The following SMARCA2 variants were observed in gnomAD, a reference collection of about 807,000 sequenced individuals.
The protein encoded by SMARCA2 is SWI/SNF-related matrix-associated actin-dependent regulator of chromatin subfamily A member 2.
In SMARCA2, 61 loss-of-function variants were observed where a neutral mutation model predicts 199.8. The ratio of observed to expected loss-of-function variants is 0.31; its 90% CI spans 0.25 to 0.38. The LOEUF is 0.38. SMARCA2 is among the 10% of genes least tolerant of loss of function. SMARCA2 has a pLI of 1.00. For synonymous variants in SMARCA2, 935 were observed against 732.0 expected, an observed-to-expected ratio of 1.28 and a Z score of -4.48; for missense variants, 1,344 against 2,012.2, an observed-to-expected ratio of 0.67 and a Z score of 6.35.
intron 4 of SMARCA2, chr9:2,042,793 G>C (rs1819669502): frequency 6.6e-6 from 1 of 151,958 alleles, no homozygotes; most frequent in African/African-American, 2.4e-5. Flanking sequence ...CATTAGAAAT[G>C]ACAATATTTG....
rs1236586844 is a variant in SMARCA2 at position 2,193,321 on chromosome 9, T to TAAGATTTATGTC, written c.*583_*594dup. 1 of 152,700 alleles carries TAAGATTTATGTC rather than the reference T, an allele frequency of 6.5e-6. No individual in the cohort carries two copies. The highest frequency in any genetic ancestry group is 2.4e-5 in the African/African-American group (1 of 41,458). The allele number at this position is 152,700 out of a possible 1,614,324, so 9.5% of individuals were successfully genotyped here. The stretch of plus-strand genomic sequence containing the variant: ...CTGAACAAAAGCTTTTTGAATTGTA[T>TAAGATTTATGTC]AAGATTTATGTCTACTGTAAACATT... On this transcript the variant is annotated 3_prime_UTR_variant, in exon 34 of 34. Transcript: ENST00000349721.
intron 31 of SMARCA2, among the ~76,000 whole-genome samples, chr9:2,182,762 T>G (rs554110969): frequency 1.3e-5 from 2 of 150,578 alleles, no homozygotes; most frequent in Admixed American, 6.6e-5. Context: ...CCCAAAGTGT[T>G]GGGATTACAG....
chr9:2,082,026 G>T (rs191023512), intron 15 of SMARCA2, 31 bp downstream of exon 15: 1 of 1,593,796 alleles, frequency 6.3e-7, no homozygotes, highest in East Asian at 2.2e-5. Context: ...CACAGTCATC[G>T]TTCTGTATGT....
chr9:2,146,826 GC>G (rs1824772806), intron 27 of SMARCA2, among the ~76,000 whole-genome samples: 1 of 152,088 alleles, frequency 6.6e-6, no homozygotes, highest in African/African-American at 2.4e-5. Flanking sequence ...AGCAGTGAGG[GC>G]CACCAGAGGT....
In SMARCA2 at chr9:2,123,625, C is replaced by A; in HGVS notation, c.3763-94C>A. The stretch of plus-strand genomic sequence containing the variant: ...GAGAGGTTGAAAGGGACCCTGCAGC[C>A]ATAGGAAGTGACTTGGGGAAGTTGT... On this transcript the variant is annotated intron_variant, in intron 26 of 33. Transcript: ENST00000349721. This position sits in a 1 kb window ranked among gnomAD's most constrained non-coding sequence, Gnocchi z 4.1. 1 of 1,066,274 alleles carries A rather than the reference C, an allele frequency of 9.4e-7. No individual in the cohort carries two copies. The highest frequency in any genetic ancestry group is 1.4e-6 in the Non-Finnish European group (1 of 700,602). The allele number at this position is 1,066,274 out of a possible 1,614,324, so 66.1% of individuals were successfully genotyped here.
chr9:2,130,073 T>C (rs908883299), intron 27 of SMARCA2, among the ~76,000 whole-genome samples: 6 of 152,172 alleles, frequency 3.9e-5, no homozygotes, highest in African/African-American at 7.2e-5. Context: ...AGGCTGGTCT[T>C]GAACTCCTGA....
chr9:2,131,270 CTT>C (rs1477852378), intron 27 of SMARCA2, among the ~76,000 whole-genome samples: 1 of 152,202 alleles, frequency 6.6e-6, no homozygotes, highest in Non-Finnish European at 1.5e-5. Context: ...GCTGTTGTCT[CTT>C]GTTACCTTTC....
chr9:2,069,733 G>A (rs1376276841), intron 9 of SMARCA2, among the ~76,000 whole-genome samples: 1 of 152,148 alleles, frequency 6.6e-6, no homozygotes, highest in Non-Finnish European at 1.5e-5. Flanking sequence ...TATGCCCATG[G>A]AGTGGGTCAT....
Position 2,115,026 on chromosome 9 carries a change from T to C in SMARCA2, c.3457-796T>C, listed in dbSNP as rs1823157626. Among the ~76,000 whole-genome samples the C allele has an allele frequency of 6.6e-6, 1 of 152,124 alleles. No homozygotes were observed. The highest frequency in any genetic ancestry group is 2.1e-4 in the South Asian group (1 of 4,828). Reference sequence around the variant, plus strand: ...ACTATAATTCATTTAACTAATTCAGTATTGTTGAATGTTTCTTTTTTTAAA... The same window carrying C: ...ACTATAATTCATTTAACTAATTCAGCATTGTTGAATGTTTCTTTTTTTAAA... On this transcript the variant is annotated intron_variant, in intron 24 of 33. Coordinates refer to ENST00000349721, the MANE Select transcript of SMARCA2 (RefSeq NM_003070.5). This position sits in a 1 kb window ranked among gnomAD's most constrained non-coding sequence, Gnocchi z 6.0.
chr9:2,121,190 T>G (rs1039710119), intron 26 of SMARCA2, among the ~76,000 whole-genome samples: 5 of 152,350 alleles, frequency 3.3e-5, no homozygotes, highest in African/African-American at 1.2e-4. Flanking sequence ...TGTACTTTCC[T>G]GCCTTACTTT....
At chr9:2,031,939 G>A (rs761980983) in intron 2 of SMARCA2, among the ~76,000 whole-genome samples, 1 of 152,172 alleles carries the variant, frequency 6.6e-6, no homozygotes, top group African/African-American at 2.4e-5. Context: ...CATCTGCTGT[G>A]TTGCTTTGAT....
intron 4 of SMARCA2, chr9:2,044,256 C>A (rs1338167878): frequency 6.6e-6 from 1 of 152,178 alleles, no homozygotes; most frequent in Non-Finnish European, 1.5e-5. Context: ...TAGACCCACA[C>A]GGTAAATGAA....
chr9:2,064,702 A>C (rs1352887044), intron 9 of SMARCA2, among the ~76,000 whole-genome samples: 2 of 152,314 alleles, frequency 1.3e-5, no homozygotes, highest in Admixed American at 6.5e-5. Flanking sequence ...AGGCTTTATC[A>C]CAGGTGATAA....
chr9:2,037,592 C>T (rs1329175075), intron 3 of SMARCA2, among the ~76,000 whole-genome samples: 1 of 152,132 alleles, frequency 6.6e-6, no homozygotes, highest in Admixed American at 6.5e-5. Flanking sequence ...GGTGAATCCC[C>T]AGTTGGTGGC....
chr9:2,054,756 A>G (rs1419660350), intron 6 of SMARCA2, 33 bp downstream of exon 6: 2 of 1,610,694 alleles, frequency 1.2e-6, no homozygotes, highest in Non-Finnish European at 1.7e-6. Flanking sequence ...TCTGAGATGT[A>G]GGAAATAAAT....
In SMARCA2 at chr9:2,129,189, C is replaced by A. The variant is rs529624395; in HGVS notation, c.3981+5252C>A. Among the ~76,000 whole-genome samples, 18 of 152,214 alleles carry A rather than the reference C, an allele frequency of 1.2e-4. 1 individual carries two copies. In the South Asian group the frequency reaches 3.1e-3, roughly 26 times the overall value. Reference sequence around the variant, plus strand: ...ATCCCAGCAGTTTGGGAGGGCGAGGCGGGTGGAACATGAGGTCAGGAGATC... The same window carrying A: ...ATCCCAGCAGTTTGGGAGGGCGAGGAGGGTGGAACATGAGGTCAGGAGATC... On this transcript the variant is annotated intron_variant, in intron 27 of 33. Coordinates refer to ENST00000349721, the MANE Select transcript of SMARCA2 (RefSeq NM_003070.5).
At chr9:2,129,631 A>T (rs1251524789) in intron 27 of SMARCA2, among the ~76,000 whole-genome samples, 2 of 152,132 alleles carry the variant, frequency 1.3e-5, no homozygotes, top group African/African-American at 4.8e-5. Flanking sequence ...TGTCGGCCAC[A>T]TGCTTGAACT....
intron 24 of SMARCA2, among the ~76,000 whole-genome samples, chr9:2,113,114 A>G (rs759467510): frequency 2.6e-5 from 4 of 152,350 alleles, no homozygotes; most frequent in Non-Finnish European, 5.9e-5. Context: ...AAAAATTTCT[A>G]TAAGTATGCA....
chr9:2,144,545 C>T (rs1036359142), intron 27 of SMARCA2, among the ~76,000 whole-genome samples: 5 of 152,130 alleles, frequency 3.3e-5, no homozygotes, highest in Admixed American at 2.0e-4. Flanking sequence ...AGATTTTACA[C>T]CCAGGAGGAG....
Sources: gnomAD v4.1 joint callset for allele counts (sites outside exome capture counted in the v4.1 genomes callset) on GRCh38, gnomAD v4.1.1 for gene constraint, Gnocchi (gnomAD v3.1) non-coding constraint, MANE v1.5 for transcripts, NCBI Gene and HGNC (gene_info 2026-07-23, HGNC 2026-07-21) for gene names.